Variants in PRKCZ observed in about 807,000 individuals in gnomAD.
The protein encoded by PRKCZ is protein kinase C zeta, also known as protein kinase C zeta type.
PRKCZ carries 33 observed loss-of-function variants against 79.5 expected under a neutral mutation model. The observed-to-expected ratio is 0.41, with a 90% CI of 0.31 to 0.55. PRKCZ has a LOEUF of 0.55. PRKCZ is among the 20% of genes least tolerant of loss of function. The pLI, the probability that PRKCZ is intolerant of heterozygous loss-of-function variation, is 0.19. For synonymous variants in PRKCZ, 342 were observed against 320.9 expected (o/e 1.07, Z -0.70); for missense variants, 578 against 813.5 (o/e 0.71, Z 3.52).
intron 4 of PRKCZ, among the ~76,000 whole-genome samples, chr1:2,106,558 G>T (rs1169968050): frequency 2.9e-5 from 1 of 34,730 alleles, no homozygotes; most frequent in African/African-American, 1.1e-4. Context: ...GTGTCACCAG[G>T]CCAGGTAACT....
intron 7 of PRKCZ, among the ~76,000 whole-genome samples, chr1:2,148,443 C>G (rs1031480061): frequency 5.3e-5 from 8 of 152,056 alleles, no homozygotes; most frequent in African/African-American, 1.9e-4. Context: ...ATCCATCCAT[C>G]TATTGTCCAC....
chr1:2,158,757 T>G (rs542800198), intron 10 of PRKCZ, among the ~76,000 whole-genome samples: 61 of 152,294 alleles, frequency 4.0e-4, no homozygotes, highest in Non-Finnish European at 6.5e-4. Context: ...TCTGCACTTG[T>G]GTCTTTGGAC....
chr1:2,069,337 G>T (rs1462397971), intron 4 of PRKCZ, among the ~76,000 whole-genome samples: 3 of 152,178 alleles, frequency 2.0e-5, no homozygotes, highest in African/African-American at 4.8e-5. Flanking sequence ...GTGAGTGGAG[G>T]CTGCTGTACC....
chr1:2,137,127 CG>C (rs1676367873), intron 5 of PRKCZ, among the ~76,000 whole-genome samples: 1 of 152,154 alleles, frequency 6.6e-6, no homozygotes, highest in Non-Finnish European at 1.5e-5. Flanking sequence ...CCAGAGCCCC[CG>C]GCAAACCACT....
At chr1:2,132,952 G>A (rs1293066738) in intron 4 of PRKCZ, among the ~76,000 whole-genome samples, 1 of 152,204 alleles carries the variant, frequency 6.6e-6, no homozygotes, top group African/African-American at 2.4e-5. Context: ...AGCCACATTG[G>A]GGGTTAGGGC....
chr1:2,050,937 G>T, intron 1 of PRKCZ: 1 of 373,214 alleles, frequency 2.7e-6, no homozygotes, highest in Non-Finnish European at 4.8e-6. Flanking sequence ...GCCCCGCGCC[G>T]CGAGCTCCTC....
intron 4 of PRKCZ, among the ~76,000 whole-genome samples, chr1:2,112,599 C>T (rs557598561): frequency 4.5e-4 from 69 of 152,272 alleles, no homozygotes; most frequent in Non-Finnish European, 9.0e-4. Flanking sequence ...TGCCTGTAAT[C>T]ATCACAGTAC....
chr1:2,152,812 G>A (rs1680163573), intron 9 of PRKCZ, among the ~76,000 whole-genome samples: 1 of 152,200 alleles, frequency 6.6e-6, no homozygotes, highest in African/African-American at 2.4e-5. Flanking sequence ...GTGGCCGCTC[G>A]CTCAGGCCTT....
At chr1:2,098,071 T>G (rs973713968) in intron 4 of PRKCZ, among the ~76,000 whole-genome samples, 1 of 150,446 alleles carries the variant, frequency 6.6e-6, no homozygotes, top group Admixed American at 6.6e-5. Flanking sequence ...TCAGGATGAC[T>G]AAGAACAGAG....
intron 4 of PRKCZ, among the ~76,000 whole-genome samples, chr1:2,117,229 T>C (rs969064359): frequency 2.0e-5 from 3 of 152,208 alleles, no homozygotes; most frequent in African/African-American, 7.2e-5. Context: ...GGATTACAGA[T>C]GCAAGCCACT....
chr1:2,089,595 G>C (rs1665132608), intron 4 of PRKCZ, among the ~76,000 whole-genome samples: 1 of 152,104 alleles, frequency 6.6e-6, no homozygotes, highest in South Asian at 2.1e-4. Flanking sequence ...ACACTCTGGG[G>C]TCCCTTTGAA....
At chr1:2,143,295 C>G (rs529232494) in intron 5 of PRKCZ, 1 of 152,342 alleles carries the variant, frequency 6.6e-6, no homozygotes, top group Non-Finnish European at 1.5e-5. Flanking sequence ...TCCCCAAGTG[C>G]TGGGATTACA....
At chr1:2,124,227 T>C (rs367980459) in intron 4 of PRKCZ, among the ~76,000 whole-genome samples, 467 of 19,504 alleles carry the variant, frequency 0.024, 6 homozygotes, top group South Asian at 0.063. Flanking sequence ...AGCGTCACGG[T>C]GGTGGTTAGG....
upstream of PRKCZ, among the ~76,000 whole-genome samples, chr1:2,048,684 TG>T (rs1659426347): frequency 1.3e-5 from 2 of 152,016 alleles, no homozygotes; most frequent in African/African-American, 4.8e-5. Flanking sequence ...GGGTGAGTGT[TG>T]GTTGGGAGCT....
intron 4 of PRKCZ, among the ~76,000 whole-genome samples, chr1:2,079,464 G>A (rs756306657): frequency 3.9e-5 from 6 of 152,210 alleles, no homozygotes; most frequent in East Asian, 1.9e-4. Flanking sequence ...TATTTGCCGC[G>A]TGCCCCAGGG....
intron 10 of PRKCZ, among the ~76,000 whole-genome samples, chr1:2,163,992 G>C (rs929951450): frequency 1.3e-5 from 2 of 152,142 alleles, no homozygotes; most frequent in African/African-American, 4.8e-5. Flanking sequence ...ACTCCTTAGG[G>C]CCTCCTGGAA....
At chr1:2,181,870 G>T (rs1394788017) in intron 16 of PRKCZ, 1 of 456,476 alleles carries the variant, frequency 2.2e-6, no homozygotes, top group East Asian at 6.9e-5. Flanking sequence ...GATGAATGAA[G>T]GGGGCATCTT....
At chr1:2,166,110 T>C (rs1326284837) in intron 10 of PRKCZ, among the ~76,000 whole-genome samples, 1 of 152,182 alleles carries the variant, frequency 6.6e-6, no homozygotes, top group Non-Finnish European at 1.5e-5. Context: ...TTCTTCACGT[T>C]TGTGTATTTG....
rs1016847224 is a variant in PRKCZ, at chr1:2,177,574, G to A, written c.1575+2261G>A. On this transcript the variant is annotated intron_variant, in intron 16 of 17. Transcript: ENST00000378567. This position sits in a 1 kb window ranked among gnomAD's most constrained non-coding sequence, Gnocchi z 6.4. ...CTCTTCGGAGCACTGTCTAATCTGA[G>A]TGTGAGTCCAACCCTGCCCGAGCCG... Among the ~76,000 whole-genome samples the A allele has an allele frequency of 6.6e-6, 1 of 152,238 alleles. No individual in the cohort carries two copies. Among genetic ancestry groups the A allele is most frequent in the African/African-American group, 2.4e-5 (1 of 41,460 alleles).
Sources: allele counts gnomAD v4.1 joint callset (sites outside exome capture counted in the v4.1 genomes callset), GRCh38; gene constraint gnomAD v4.1.1; non-coding constraint Gnocchi (gnomAD v3.1); transcripts MANE v1.5; gene names NCBI Gene and HGNC (gene_info 2026-07-23, HGNC 2026-07-21).